AKR1C3: variants seen among roughly 807,000 people sequenced by gnomAD.
The protein encoded by AKR1C3 is aldo-keto reductase family 1 member C3, also known as 3-alpha hydroxysteroid dehydrogenase, type II.
In AKR1C3, 48 loss-of-function variants were observed where a neutral mutation model predicts 43.6. The ratio of observed to expected loss-of-function variants is 1.10; its 90% CI spans 0.87 to 1.40. AKR1C3 has a LOEUF of 1.40. AKR1C3 is among the 40% of genes most tolerant of loss of function. AKR1C3 has a pLI of 0.00. For synonymous variants in AKR1C3, 162 were observed against 139.6 expected, an observed-to-expected ratio of 1.16 and a Z score of -1.13; for missense variants, 482 against 391.2, an observed-to-expected ratio of 1.23 and a Z score of -1.96.
At chr10:5,062,978 T>C (rs1173545878) in intron 1 of AKR1C3, among the ~76,000 whole-genome samples, 2 of 152,194 alleles carry the variant, frequency 1.3e-5, no homozygotes, top group African/African-American at 2.4e-5. Context: ...CCTGATTCAT[T>C]ATTTTTTTCT....
intron 1 of AKR1C3, among the ~76,000 whole-genome samples, chr10:5,080,284 ATACT>A (rs1397901801): frequency 1.3e-5 from 2 of 152,174 alleles, no homozygotes; most frequent in Non-Finnish European, 2.9e-5. Context: ...TTGTGCAAGT[ATACT>A]TACTTGCATA....
intron 1 of AKR1C3, among the ~76,000 whole-genome samples, chr10:5,069,710 C>G (rs1564358411): frequency 6.6e-6 from 1 of 152,054 alleles, no homozygotes; most frequent in Non-Finnish European, 1.5e-5. Context: ...CCCCCGTCTA[C>G]TAAAAATACA....
chr10:5,065,679 G>T (rs1838487004), intron 1 of AKR1C3, among the ~76,000 whole-genome samples: 1 of 152,204 alleles, frequency 6.6e-6, no homozygotes, highest in Non-Finnish European at 1.5e-5. Context: ...GTTTCCATTG[G>T]TTACTTGCTG....
intron 1 of AKR1C3, among the ~76,000 whole-genome samples, chr10:5,060,558 A>C (rs1448632977): frequency 6.6e-6 from 1 of 152,172 alleles, no homozygotes; most frequent in Non-Finnish European, 1.5e-5. Flanking sequence ...TGGTGTATTT[A>C]CAATCCCTTA....
At position 5,088,719 on chromosome 10, in the gene AKR1C3, T is replaced by G. The variant is rs150733356; in HGVS notation, c.85-7691T>G. 1.6e-3 allele frequency among the ~76,000 whole-genome samples: 245 copies of G among 151,782 alleles called. 2 individuals carry two copies. The highest frequency in any genetic ancestry group is 5.7e-3 in the African/African-American group (236 of 41,382). On this transcript the variant is annotated intron_variant, in intron 1 of 8. Coordinates refer to the AKR1C3 transcript ENST00000439082. ...TCATTAGACCTAATGGTAGATCTCC[T>G]GTAGATAAAAGCTGTTGGGTCTTGT... is the stretch of plus-strand genomic sequence containing the variant.
intron 1 of AKR1C3, among the ~76,000 whole-genome samples, chr10:5,069,910 C>T (rs897906570): frequency 1.4e-4 from 22 of 152,028 alleles, no homozygotes; most frequent in Non-Finnish European, 2.4e-4. Context: ...CCGCCTTCTG[C>T]GCAGGGCAAA....
chr10:5,061,052 G>A (rs1246769993), intron 1 of AKR1C3, among the ~76,000 whole-genome samples: 2 of 152,322 alleles, frequency 1.3e-5, no homozygotes, highest in East Asian at 3.9e-4. Flanking sequence ...AGCTGAGGGA[G>A]CGAGCTCTGG....
At chr10:5,051,020 G>T (rs1838142019) in intron 1 of AKR1C3, among the ~76,000 whole-genome samples, 1 of 152,198 alleles carries the variant, frequency 6.6e-6, no homozygotes, top group Non-Finnish European at 1.5e-5. Flanking sequence ...AATAGAAAAG[G>T]TCAGAATGAC....
chr10:5,104,991 TTA>T (rs1839463354), intron 7 of AKR1C3, among the ~76,000 whole-genome samples: 1 of 150,012 alleles, frequency 6.7e-6, no homozygotes, highest in Non-Finnish European at 1.5e-5. Context: ...TTTAGTCAAT[TTA>T]TAGATTTATT....
In AKR1C3 at chr10:5,086,560, G is replaced by T. The variant is rs1449025110; in HGVS notation, c.85-9850G>T. On this transcript the variant is annotated intron_variant, in intron 1 of 8. Transcript: ENST00000439082. ...AAAAGAATGTATGTTCTATTGATTT[G>T]GGGTGGAGAGCTCTGTAGGTGTCTA... 2.0e-5 allele frequency among the ~76,000 whole-genome samples: 3 copies of T among 151,928 alleles called. No homozygotes were observed. In the South Asian group the frequency reaches 6.3e-4, roughly 32 times the overall value.
At chr10:5,049,240 T>C (rs1440950200) in intron 1 of AKR1C3, among the ~76,000 whole-genome samples, 1 of 152,232 alleles carries the variant, frequency 6.6e-6, no homozygotes, top group Non-Finnish European at 1.5e-5. Flanking sequence ...TTTCTCTGTT[T>C]CCTTCTACAC....
rs1194124711 is a variant in AKR1C3 at position 5,104,385 on chromosome 10, A to G, written c.847-1210A>G. 1.4e-4 allele frequency among the ~76,000 whole-genome samples: 5 copies of G among 35,772 alleles called. No individual in the cohort carries two copies. In the African/African-American group the frequency reaches 1.6e-3, roughly 12 times the overall value. 23.5% of individuals were successfully genotyped at this position (35,772 alleles called of 152,430 possible). A position where few individuals can be genotyped will look rare whatever the true frequency, so the allele number is the denominator to read the frequency against. On this transcript the variant is annotated intron_variant, in intron 7 of 8. Transcript: ENST00000380554. ...CATTCACATTTGCTCACATATCTTGATTTTTTACTCTACCATAAATGAAAC... is the reference window on the plus strand; with the variant it reads ...CATTCACATTTGCTCACATATCTTGGTTTTTTACTCTACCATAAATGAAAC...
intron 1 of AKR1C3, among the ~76,000 whole-genome samples, chr10:5,052,357 C>T (rs782356837): frequency 5.3e-5 from 8 of 152,128 alleles, no homozygotes; most frequent in Non-Finnish European, 1.2e-4. Flanking sequence ...ACAAAGCTTC[C>T]ACAGTGTGGA....
intron 1 of AKR1C3, among the ~76,000 whole-genome samples, chr10:5,051,039 C>T (rs1468223984): frequency 2.6e-5 from 4 of 152,214 alleles, no homozygotes; most frequent in Non-Finnish European, 4.4e-5. Flanking sequence ...ACTCTTTGCT[C>T]TGTAGGCAGA....
intron 8 of AKR1C3, among the ~76,000 whole-genome samples, chr10:5,106,150 C>T (rs1450332223): frequency 6.6e-6 from 1 of 152,190 alleles, no homozygotes; most frequent in African/African-American, 2.4e-5. Context: ...CCTGTCAATT[C>T]AGCATCTTTT....
chr10:5,077,038 A>C (rs1263377857), intron 1 of AKR1C3, among the ~76,000 whole-genome samples: 3 of 152,208 alleles, frequency 2.0e-5, no homozygotes, highest in Admixed American at 2.0e-4. Flanking sequence ...CTTTACATGA[A>C]CTTGAATTGT....
chr10:5,092,443 GT>G (rs1839114476), upstream of AKR1C3, among the ~76,000 whole-genome samples: 1 of 148,802 alleles, frequency 6.7e-6, no homozygotes, highest in Non-Finnish European at 1.5e-5. Context: ...GCTTGATGGT[GT>G]CCTACAAGCC....
chr10:5,077,308 T>C (rs1168163740), intron 1 of AKR1C3, among the ~76,000 whole-genome samples: 6 of 152,180 alleles, frequency 3.9e-5, no homozygotes, highest in Non-Finnish European at 8.8e-5. Context: ...TGTGATTTTA[T>C]ATATTCTTGG....
intron 5 of AKR1C3, among the ~76,000 whole-genome samples, chr10:5,101,242 CAGA>C (rs1212621089): frequency 6.6e-6 from 1 of 152,196 alleles, no homozygotes; most frequent in Non-Finnish European, 1.5e-5. Context: ...TAATTCCTAA[CAGA>C]AGAAGTCATA....
Sources: gnomAD v4.1 joint callset for allele counts (sites outside exome capture counted in the v4.1 genomes callset) on GRCh38, gnomAD v4.1.1 for gene constraint, MANE v1.5 for transcripts, NCBI Gene and HGNC (gene_info 2026-07-23, HGNC 2026-07-21) for gene names.